The following PRKAR2A variants were observed in gnomAD, a reference collection of about 807,000 sequenced individuals.
PRKAR2A encodes the protein protein kinase cAMP-dependent type II regulatory subunit alpha.
In PRKAR2A, 29 loss-of-function variants were observed where a neutral mutation model predicts 51.9. That is an observed-to-expected ratio of 0.56 (90% CI 0.42 to 0.76). PRKAR2A has a LOEUF of 0.76. Among genes scored for constraint, PRKAR2A ranks in the 30% least tolerant of loss-of-function variants. The pLI is 0.00. For synonymous variants in PRKAR2A, 178 were observed against 186.2 expected (o/e 0.96, Z 0.36); for missense variants, 445 against 512.1 (o/e 0.87, Z 1.26).
At chr3:48,829,775 C>T (rs1442887644) in intron 1 of PRKAR2A, among the ~76,000 whole-genome samples, 7 of 127,360 alleles carry the variant, frequency 5.5e-5, no homozygotes, top group South Asian at 2.4e-4. Flanking sequence ...CGTATATATA[C>T]GCATGTATAT....
chr3:48,777,329 C>T (rs189781988), intron 5 of PRKAR2A, among the ~76,000 whole-genome samples: 33 of 152,238 alleles, frequency 2.2e-4, no homozygotes, highest in African/African-American at 7.2e-4. Context: ...TGTCTGATCT[C>T]AACAGTAAAG....
chr3:48,772,570 G>C (rs2082044542), intron 6 of PRKAR2A, among the ~76,000 whole-genome samples: 1 of 152,030 alleles, frequency 6.6e-6, no homozygotes, highest in Non-Finnish European at 1.5e-5. Flanking sequence ...GAGTCCCCAA[G>C]TGTGTGACCT....
intron 1 of PRKAR2A, among the ~76,000 whole-genome samples, chr3:48,830,669 A>T (rs1022719770): frequency 6.6e-6 from 1 of 152,196 alleles, no homozygotes; most frequent in Admixed American, 6.6e-5. Flanking sequence ...CAAGTGCATC[A>T]CATTTATTGT....
Position 48,751,596 on chromosome 3 carries a change from G to C in PRKAR2A, c.1204C>G (p.Leu402Val). The change falls in exon 11 of 11, where the codon CTC becomes GTC. Residue 402 changes from leucine to valine, a missense_variant. Physicochemically the swap from Leu to Val is conservative, Grantham distance 32. Transcript: ENST00000265563. The part of the protein sequence containing the change: ...MFGSSVDLGN[L>V]GQ ...GGGGTGTGGCACACCTACTGCCCGA[G>C]GTTGCCCAGATCCACGCTGGAGCCA... 1 of 1,612,428 alleles carries C rather than the reference G, an allele frequency of 6.2e-7. No homozygotes were observed. The highest frequency in any genetic ancestry group is 8.5e-7 in the Non-Finnish European group (1 of 1,179,096).
chr3:48,760,900 T>C (rs533892359), intron 8 of PRKAR2A, among the ~76,000 whole-genome samples: 6 of 151,312 alleles, frequency 4.0e-5, no homozygotes, highest in Admixed American at 2.6e-4. Flanking sequence ...GGGAAGAGTA[T>C]TGCTTGAGCC....
rs574743910 is a variant in PRKAR2A at position 48,839,148 on chromosome 3, C to T, written c.262+8187G>A. On this transcript the variant is annotated intron_variant, in intron 1 of 10. Coordinates refer to ENST00000265563, the MANE Select transcript of PRKAR2A (RefSeq NM_004157.4). ...ACTAAAAACACAAACATTAGCCGGG[C>T]GTGGTGACACGCGCCTGTAATCCTG... Among the ~76,000 whole-genome samples the T allele has an allele frequency of 4.2e-4, 64 of 152,018 alleles. 1 individual carries two copies. The highest frequency in any genetic ancestry group is 6.8e-3 in the Middle Eastern group (2 of 294).
At chr3:48,765,208 C>T (rs1463050386) in intron 7 of PRKAR2A, 40 bp downstream of exon 7, 2 of 1,567,004 alleles carry the variant, frequency 1.3e-6, no homozygotes, top group South Asian at 1.1e-5. Context: ...AAAAGCTTTT[C>T]CTGATCCCCA....
At chr3:48,810,879 A>G (rs2082759902) in intron 1 of PRKAR2A, among the ~76,000 whole-genome samples, 1 of 152,176 alleles carries the variant, frequency 6.6e-6, no homozygotes, top group African/African-American at 2.4e-5. Flanking sequence ...CAATGGTCCT[A>G]TAAGAATTGA....
chr3:48,777,289 C>T (rs2082119961), intron 5 of PRKAR2A, among the ~76,000 whole-genome samples: 2 of 152,154 alleles, frequency 1.3e-5, no homozygotes, highest in African/African-American at 4.8e-5. Context: ...TGTCATCAGT[C>T]TTGACATCTT....
chr3:48,816,953 A>C (rs1359829238), intron 1 of PRKAR2A, among the ~76,000 whole-genome samples: 1 of 152,198 alleles, frequency 6.6e-6, no homozygotes, highest in Non-Finnish European at 1.5e-5. Flanking sequence ...AGGCCGAGGC[A>C]GGAGGATCAC....
chr3:48,772,078 T>A (rs945007221), intron 6 of PRKAR2A, among the ~76,000 whole-genome samples: 1 of 152,184 alleles, frequency 6.6e-6, no homozygotes, highest in African/African-American at 2.4e-5. Flanking sequence ...AGCCCCAATA[T>A]CCCTAGATAG....
chr3:48,775,619 T>C (rs1455261830), intron 5 of PRKAR2A, among the ~76,000 whole-genome samples: 1 of 151,776 alleles, frequency 6.6e-6, no homozygotes, highest in Admixed American at 6.6e-5. Context: ...AGCAAACGCC[T>C]TAAAAAGACC....
intron 6 of PRKAR2A, among the ~76,000 whole-genome samples, chr3:48,768,356 G>GAGAC (rs777794350): frequency 1.7e-3 from 262 of 149,884 alleles, no homozygotes; most frequent in Admixed American, 3.0e-3. Flanking sequence ...GACAGACAGA[G>GAGAC]AGACAGACAG....
At chr3:48,753,271 T>C (rs577756139) in intron 9 of PRKAR2A, among the ~76,000 whole-genome samples, 5 of 151,824 alleles carry the variant, frequency 3.3e-5, no homozygotes, top group Non-Finnish European at 7.4e-5. Context: ...GATAATATAC[T>C]ACATTATATT....
In PRKAR2A at chr3:48,847,824, G is replaced by C. The variant is rs186745778; in HGVS notation, c.-228C>G. 3.4e-5 allele frequency: 13 copies of C among 387,832 alleles called. No individual in the cohort carries two copies. The highest frequency in any genetic ancestry group is 5.3e-5 in the Non-Finnish European group (12 of 225,446). 24.0% of individuals were successfully genotyped at this position (387,832 alleles called of 1,614,324 possible). On this transcript the variant is annotated 5_prime_UTR_variant, in exon 1 of 11. Coordinates refer to ENST00000265563, the MANE Select transcript of PRKAR2A (RefSeq NM_004157.4). The surrounding 1 kb of genome is among the most constrained non-coding windows in gnomAD (Gnocchi z 4.4). ...GTCACTGGGCAGCCGCCGCCGCCGC[G>C]GGGACCGACGGGCAGGCGAGCTGGA...
chr3:48,760,639 A>AC (rs1454260584), intron 8 of PRKAR2A, among the ~76,000 whole-genome samples: 4 of 146,706 alleles, frequency 2.7e-5, no homozygotes, highest in Non-Finnish European at 4.5e-5. Flanking sequence ...GACCAGCCTG[A>AC]CCAACATGGA....
At position 48,829,590 on chromosome 3, in the gene PRKAR2A, A is replaced by ACACACACATAAATGTGTGTG. The variant is rs1477522468; in HGVS notation, c.262+17744_262+17745insCACACACATTTATGTGTGTG. Among the ~76,000 whole-genome samples, 101 of 35,642 alleles carry ACACACACATAAATGTGTGTG rather than the reference A, an allele frequency of 2.8e-3. 9 individuals carry two copies. Among genetic ancestry groups the ACACACACATAAATGTGTGTG allele is most frequent in the East Asian group, 6.5e-3 (10 of 1,540 alleles). 23.4% of individuals were successfully genotyped at this position (35,642 alleles called of 152,430 possible). On this transcript the variant is annotated intron_variant, in intron 1 of 10. Coordinates refer to ENST00000265563, the MANE Select transcript of PRKAR2A (RefSeq NM_004157.4). ...CACACATAAATATATATGTGTGTAT[A>ACACACACATAAATGTGTGTG]TATACACACACATAAATGTGTGTGT... is the stretch of plus-strand genomic sequence containing the variant.
intron 8 of PRKAR2A, among the ~76,000 whole-genome samples, chr3:48,759,134 A>G (rs1412521016): frequency 6.6e-6 from 1 of 152,232 alleles, no homozygotes; most frequent in Non-Finnish European, 1.5e-5. Flanking sequence ...ATCAGCTGAA[A>G]ACAGTTGATC....
intron 2 of PRKAR2A, among the ~76,000 whole-genome samples, chr3:48,796,669 G>GATTTT (rs1264041197): frequency 1.0e-5 from 1 of 97,090 alleles, no homozygotes; most frequent in African/African-American, 3.6e-5. Context: ...GTAGAGACGG[G>GATTTT]GTTTTTTTTT....
Sources: gnomAD v4.1 joint callset for allele counts (sites outside exome capture counted in the v4.1 genomes callset) on GRCh38, gnomAD v4.1.1 for gene constraint, Gnocchi (gnomAD v3.1) non-coding constraint, MANE v1.5 for transcripts, NCBI Gene and HGNC (gene_info 2026-07-23, HGNC 2026-07-21) for gene names.